NCALD: variants seen among roughly 807,000 people sequenced by gnomAD.
The protein encoded by NCALD is neurocalcin-delta.
NCALD carries 10 observed loss-of-function variants against 18.6 expected under a neutral mutation model. The ratio of observed to expected loss-of-function variants is 0.54; its 90% CI spans 0.33 to 0.91. The LOEUF (loss-of-function observed/expected upper bound fraction) is 0.91, where lower values mean the gene tolerates loss of function less well. Among genes scored for constraint, NCALD ranks in the 40% least tolerant of loss-of-function variants. The probability of loss-of-function intolerance (pLI) is 0.03; values close to 1 mark genes in which losing one functional copy is unlikely to be tolerated. For synonymous variants in NCALD, 88 were observed against 87.4 expected, an observed-to-expected ratio of 1.01 and a Z score of -0.04; for missense variants, 184 against 247.6, an observed-to-expected ratio of 0.74 and a Z score of 1.72.
chr8:102,115,744 T>C (rs1402702669), intron 1 of NCALD, among the ~76,000 whole-genome samples: 1 of 152,184 alleles, frequency 6.6e-6, no homozygotes, highest in Non-Finnish European at 1.5e-5. Context: ...TGCTTCTGCT[T>C]CCCTTTCCTG....
In NCALD at chr8:101,824,852, G is replaced by A. The variant is rs984168132; in HGVS notation, c.-20+62289C>T. Among the ~76,000 whole-genome samples the A allele has an allele frequency of 4.6e-4, 70 of 152,268 alleles. 1 individual carries two copies. The highest frequency in any genetic ancestry group is 1.6e-3 in the African/African-American group (66 of 41,548). ...ACATTTGGCTGGCAGGCAAACAGAG[G>A]CCATCATTCATTCTGTACAAACTAA... On this transcript the variant is annotated intron_variant, in intron 4 of 6. Transcript: ENST00000311028.
intron 1 of NCALD, among the ~76,000 whole-genome samples, chr8:102,060,261 A>T (rs62523002): frequency 1.3e-5 from 2 of 152,230 alleles, no homozygotes; most frequent in South Asian, 2.1e-4. Flanking sequence ...GATTACAGGC[A>T]TGAGCCACTG....
intron 2 of NCALD, among the ~76,000 whole-genome samples, chr8:101,929,045 A>G (rs907604772): frequency 6.6e-6 from 1 of 151,854 alleles, no homozygotes; most frequent in Admixed American, 6.6e-5. Flanking sequence ...AACTCAGGAC[A>G]CACTCTTTTG....
At chr8:101,920,190 CAGGCTAT>C (rs1353594047) in intron 2 of NCALD, among the ~76,000 whole-genome samples, 1 of 152,056 alleles carries the variant, frequency 6.6e-6, no homozygotes, top group African/African-American at 2.4e-5. Context: ...CCAGGAGGTC[CAGGCTAT>C]AGTGAGACAT....
intron 1 of NCALD, among the ~76,000 whole-genome samples, chr8:102,025,092 A>G (rs1822407840): frequency 6.6e-6 from 1 of 151,642 alleles, no homozygotes; most frequent in African/African-American, 2.4e-5. Flanking sequence ...ACCTGACACT[A>G]CCCTCCTCCT....
chr8:101,896,444 C>T (rs1361468262), intron 3 of NCALD, among the ~76,000 whole-genome samples: 2 of 152,100 alleles, frequency 1.3e-5, no homozygotes. Flanking sequence ...CCATTCAGGA[C>T]ATAGGCATGG....
At chr8:101,789,438 C>T (rs957815545) in intron 1 of NCALD, among the ~76,000 whole-genome samples, 1 of 152,164 alleles carries the variant, frequency 6.6e-6, no homozygotes, top group South Asian at 2.1e-4. Context: ...AATGAATATT[C>T]ACTCATTGAA....
At chr8:101,962,827 C>A (rs73279267) in intron 2 of NCALD, among the ~76,000 whole-genome samples, 19 of 152,092 alleles carry the variant, frequency 1.2e-4, no homozygotes, top group African/African-American at 4.1e-4. Flanking sequence ...TATAATTGAC[C>A]CCATGGGGGT....
intron 2 of NCALD, among the ~76,000 whole-genome samples, chr8:101,702,796 C>T (rs547250838): frequency 7.2e-4 from 110 of 152,222 alleles, no homozygotes; most frequent in Non-Finnish European, 1.4e-3. Flanking sequence ...CACACATTGA[C>T]GATGCTATAA....
rs557871259 is a variant in NCALD, at chr8:101,761,739, G to A, written c.-20+29123C>T. 2.4e-4 allele frequency among the ~76,000 whole-genome samples: 37 copies of A among 152,246 alleles called. 1 individual carries two copies. The highest frequency in any genetic ancestry group is 8.4e-4 in the African/African-American group (35 of 41,556). On this transcript the variant is annotated intron_variant, in intron 1 of 3. Transcript: ENST00000220931. ...TTTTAGTAATGGAATCCAGAGCTGC[G>A]CACGCAGCTACCCTACAGACTAGGT...
intron 1 of NCALD, among the ~76,000 whole-genome samples, chr8:101,782,456 C>A (rs1259769563): frequency 6.6e-6 from 1 of 152,040 alleles, no homozygotes; most frequent in Non-Finnish European, 1.5e-5. Context: ...ATATTCTCAC[C>A]CCACTTAACA....
chr8:101,872,065 T>C, intron 4 of NCALD: 2 of 1,431,296 alleles, frequency 1.4e-6, no homozygotes, highest in Admixed American at 1.7e-5. Flanking sequence ...CATGGGCAGA[T>C]TCCTATCAGG....
intron 2 of NCALD, among the ~76,000 whole-genome samples, chr8:101,714,927 G>T (rs1348290572): frequency 6.6e-6 from 1 of 150,434 alleles, no homozygotes; most frequent in Non-Finnish European, 1.5e-5. Context: ...AACCCGGGAA[G>T]CGGAGCTTGC....
chr8:101,729,325 C>A (rs1010103733), intron 1 of NCALD, among the ~76,000 whole-genome samples: 3 of 152,186 alleles, frequency 2.0e-5, no homozygotes, highest in Admixed American at 6.5e-5. Flanking sequence ...ATATAATAAT[C>A]TCACTAACTT....
intron 2 of NCALD, among the ~76,000 whole-genome samples, chr8:101,945,048 G>A (rs1404340291): frequency 2.6e-5 from 4 of 152,204 alleles, no homozygotes; most frequent in Non-Finnish European, 5.9e-5. Flanking sequence ...CAATGTTCGT[G>A]TCCTACGTGA....
chr8:101,964,333 G>A (rs1044029147), intron 2 of NCALD, among the ~76,000 whole-genome samples: 4 of 152,098 alleles, frequency 2.6e-5, no homozygotes, highest in Non-Finnish European at 4.4e-5. Context: ...TTAAGGTAAC[G>A]CCAGTTTCTA....
chr8:102,108,158 T>G (rs901330306), intron 1 of NCALD, among the ~76,000 whole-genome samples: 1 of 152,254 alleles, frequency 6.6e-6, no homozygotes, highest in Non-Finnish European at 1.5e-5. Flanking sequence ...GCCTGTGCTC[T>G]TAGCTTTCAT....
intron 1 of NCALD, among the ~76,000 whole-genome samples, chr8:102,115,185 TA>T (rs1825748440): frequency 6.6e-6 from 1 of 152,262 alleles, no homozygotes; most frequent in Admixed American, 6.5e-5. Context: ...GTAGTGAGAC[TA>T]AATTCTGTAA....
At chr8:101,789,136 T>A (rs1812353471) in intron 1 of NCALD, 1 of 152,192 alleles carries the variant, frequency 6.6e-6, no homozygotes, top group Non-Finnish European at 1.5e-5. Context: ...ATAATGATAA[T>A]TCCACATTTT....
Sources: allele counts gnomAD v4.1 joint callset (sites outside exome capture counted in the v4.1 genomes callset), GRCh38; gene constraint gnomAD v4.1.1; transcripts MANE v1.5; gene names NCBI Gene and HGNC (gene_info 2026-07-23, HGNC 2026-07-21).